COL19A1: variants seen among roughly 807,000 people sequenced by gnomAD.
COL19A1 encodes collagen alpha-1(XIX) chain.
A neutral mutation model predicts 190.2 loss-of-function variants in COL19A1; 159 were observed. That is an observed-to-expected ratio of 0.84 (90% CI 0.73 to 0.95). COL19A1 has a LOEUF of 0.95. Ranked by LOEUF, COL19A1 falls within the 40% of genes least tolerant of loss-of-function variation. The pLI, the probability that COL19A1 is intolerant of heterozygous loss-of-function variation, is 0.00. For missense variants in COL19A1, 1,418 were observed against 1,431.9 expected (o/e 0.99, Z 0.16); for synonymous variants, 509 against 458.9 (o/e 1.11, Z -1.39).
At position 70,176,552 on chromosome 6, in the gene COL19A1, A is replaced by G; in HGVS notation, c.2655A>G (p.Ile885Met). 1.2e-6 allele frequency: 2 copies of G among 1,613,604 alleles called. No individual in the cohort carries two copies. Among genetic ancestry groups the G allele is most frequent in the East Asian group, 4.5e-5 (2 of 44,844 alleles). The change falls in exon 42 of 51, where the codon ATA becomes ATG. Residue 885 changes from isoleucine to methionine, a missense_variant. Transcript: ENST00000620364. ...GAGGCCCAGCAGGTCCCCCAGGAAT[A>G]GCAGGGATGTCGGTGAGTTCAGATT... The part of the protein sequence containing the change: ...GDRGPAGPPG[I>M]AGMSGKPGAP...
intron 9 of COL19A1, among the ~76,000 whole-genome samples, chr6:69,941,366 C>T (rs889162971): frequency 1.3e-5 from 2 of 152,134 alleles, no homozygotes; most frequent in Non-Finnish European, 2.9e-5. Flanking sequence ...ATATGTTTCC[C>T]CTGCTTTCTT....
intron 9 of COL19A1, among the ~76,000 whole-genome samples, chr6:69,939,892 C>A (rs956256378): frequency 6.6e-6 from 1 of 151,916 alleles, no homozygotes; most frequent in Non-Finnish European, 1.5e-5. Flanking sequence ...AAAGTGACAC[C>A]AAAATGCCTT....
In COL19A1 at chr6:69,960,824, G is replaced by A. The variant is rs191121140; in HGVS notation, c.981+784G>A. 2.2e-4 allele frequency among the ~76,000 whole-genome samples: 34 copies of A among 151,788 alleles called. No individual in the cohort carries two copies. The East Asian group carries it at 5.6e-3, about 25-fold the overall frequency. ...TTTTGTATTTTTTTAGTAGAGATGG[G>A]GTTTCACCATGTTAGCCAGGATGGT... is the stretch of plus-strand genomic sequence containing the variant. On this transcript the variant is annotated intron_variant, in intron 10 of 50. Coordinates refer to ENST00000620364, the MANE Select transcript of COL19A1 (RefSeq NM_001858.6).
chr6:70,102,244 T>C (rs368409453), intron 16 of COL19A1, 22 bp downstream of exon 16: 61 of 1,556,042 alleles, frequency 3.9e-5, no homozygotes, highest in Non-Finnish European at 5.4e-5. Flanking sequence ...ATACAATGAC[T>C]GTCCCTTTAA....
At chr6:70,177,743 A>T (rs530415068) in intron 42 of COL19A1, among the ~76,000 whole-genome samples, 4 of 152,332 alleles carry the variant, frequency 2.6e-5, no homozygotes, top group Admixed American at 6.5e-5. Context: ...AAGTGTCCTT[A>T]GAGAACCTTT....
intron 9 of COL19A1, among the ~76,000 whole-genome samples, chr6:69,957,236 T>C (rs1774475533): frequency 6.6e-6 from 1 of 152,010 alleles, no homozygotes; most frequent in South Asian, 2.1e-4. Flanking sequence ...TGTTGAAAAA[T>C]ATGCAGTGAT....
intron 36 of COL19A1, 31 bp downstream of exon 36, chr6:70,163,427 A>G (rs559321558): frequency 1.9e-6 from 3 of 1,603,674 alleles, no homozygotes; most frequent in African/African-American, 2.7e-5. Flanking sequence ...TTACCATCCA[A>G]ACTGGGGCTT....
At chr6:69,870,318 T>C (rs1225087905) in intron 1 of COL19A1, among the ~76,000 whole-genome samples, 1 of 152,240 alleles carries the variant, frequency 6.6e-6, no homozygotes, top group South Asian at 2.1e-4. Context: ...AAAGGAGTTA[T>C]AGCAGTGCAG....
Position 69,906,699 on chromosome 6 carries a change from A to G in COL19A1, c.266+6361A>G, listed in dbSNP as rs141847067. Among the ~76,000 whole-genome samples, 181 of 152,342 alleles carry G rather than the reference A, an allele frequency of 1.2e-3. No individual in the cohort carries two copies. In the East Asian group the frequency reaches 0.015, roughly 12 times the overall value. ...CCCTTAGTATTTGTTACAAATAAAT[A>G]AATCTCTAGTGAAAGGGAGTCTTCT... is the stretch of plus-strand genomic sequence containing the variant. On this transcript the variant is annotated intron_variant, in intron 4 of 50. Coordinates refer to ENST00000620364, the MANE Select transcript of COL19A1 (RefSeq NM_001858.6).
At chr6:70,091,818 A>C (rs1044663062) in intron 15 of COL19A1, among the ~76,000 whole-genome samples, 2 of 152,140 alleles carry the variant, frequency 1.3e-5, no homozygotes, top group Non-Finnish European at 2.9e-5. Flanking sequence ...GGAAACCCTA[A>C]CCTTACTTTG....
At chr6:69,937,694 T>A (rs1359143568) in intron 8 of COL19A1, among the ~76,000 whole-genome samples, 1 of 152,114 alleles carries the variant, frequency 6.6e-6, no homozygotes, top group East Asian at 1.9e-4. Flanking sequence ...GGGTGAAAGT[T>A]TAAGGGAAAC....
chr6:70,166,529 G>A (rs540373579), intron 37 of COL19A1, among the ~76,000 whole-genome samples: 1 of 152,352 alleles, frequency 6.6e-6, no homozygotes, highest in African/African-American at 2.4e-5. Flanking sequence ...GAGGAGAGGA[G>A]CCTCTCTCCG....
At chr6:70,021,817 T>C (rs1778429894) in intron 11 of COL19A1, among the ~76,000 whole-genome samples, 1 of 152,182 alleles carries the variant, frequency 6.6e-6, no homozygotes, top group South Asian at 2.1e-4. Flanking sequence ...TTAATTTTAG[T>C]AGCCACATGT....
At chr6:69,936,966 T>A in intron 8 of COL19A1, 56 bp downstream of exon 8, 1 of 1,586,812 alleles carries the variant, frequency 6.3e-7, no homozygotes, top group Non-Finnish European at 8.6e-7. Context: ...TGAGCCCAGC[T>A]CCTTGAATGT....
At chr6:70,083,643 T>C (rs1178019176) in intron 15 of COL19A1, among the ~76,000 whole-genome samples, 1 of 152,218 alleles carries the variant, frequency 6.6e-6, no homozygotes, top group East Asian at 1.9e-4. Context: ...GTATGATTAG[T>C]TAAGCTTTTT....
chr6:69,959,966 C>A (rs1168061822), intron 9 of COL19A1, 30 bp from the exon 10 acceptor site: 3 of 1,603,200 alleles, frequency 1.9e-6, no homozygotes, highest in African/African-American at 1.3e-5. Flanking sequence ...CTTTATGGAT[C>A]ATAAACATTA....
At chr6:70,182,774 T>A (rs1766260708) in intron 44 of COL19A1, among the ~76,000 whole-genome samples, 1 of 152,164 alleles carries the variant, frequency 6.6e-6, no homozygotes, top group African/African-American at 2.4e-5. Context: ...GATCACCACA[T>A]GTTAGTATCT....
chr6:69,947,788 T>A lies in COL19A1; in HGVS notation c.936+9688T>A, dbSNP rs111853837. 7.6e-3 allele frequency among the ~76,000 whole-genome samples: 1,158 copies of A among 152,024 alleles called. 10 individuals carry two copies. Among genetic ancestry groups the A allele is most frequent in the Non-Finnish European group, 0.011 (719 of 67,882 alleles). On this transcript the variant is annotated intron_variant, in intron 9 of 50. Coordinates refer to ENST00000620364, the MANE Select transcript of COL19A1 (RefSeq NM_001858.6). ...GTGTCTCTGGTATCTGATGGCTTCA[T>A]TGATGCTACTTTTTCCTTTCATAAA... is the stretch of plus-strand genomic sequence containing the variant.
chr6:70,020,499 G>T (rs78391716), intron 11 of COL19A1, among the ~76,000 whole-genome samples: 15,102 of 151,998 alleles, frequency 0.099, 803 homozygotes, highest in East Asian at 0.2. Context: ...TAACTTAAAT[G>T]CAGGATTGCA....
Sources: gnomAD v4.1 joint callset for allele counts (sites outside exome capture counted in the v4.1 genomes callset) on GRCh38, gnomAD v4.1.1 for gene constraint, MANE v1.5 for transcripts, NCBI Gene and HGNC (gene_info 2026-07-23, HGNC 2026-07-21) for gene names.